Variants in IMMT observed in about 807,000 individuals in gnomAD.
IMMT encodes the protein inner membrane mitochondrial protein.
IMMT carries 40 observed loss-of-function variants against 92.7 expected under a neutral mutation model. The ratio of observed to expected loss-of-function variants is 0.43; its 90% CI spans 0.34 to 0.56. IMMT has a LOEUF of 0.56. Ranked by LOEUF, IMMT falls within the 20% of genes least tolerant of loss-of-function variation. IMMT has a pLI of 0.03. For missense variants in IMMT, 831 were observed against 912.1 expected (o/e 0.91, Z 1.14); for synonymous variants, 322 against 336.1 (o/e 0.96, Z 0.46).
At chr2:86,173,086 A>G (rs1324746350) in intron 4 of IMMT, among the ~76,000 whole-genome samples, 2 of 152,376 alleles carry the variant, frequency 1.3e-5, no homozygotes, top group Middle Eastern at 3.4e-3. Context: ...CTGCTGAATT[A>G]AAGAAAGTCA....
At chr2:86,159,909 A>C in intron 8 of IMMT, 1 of 318,050 alleles carries the variant, frequency 3.1e-6, no homozygotes, top group Non-Finnish European at 5.6e-6. Context: ...AAAAACTAAA[A>C]GAAAAGTCAA....
chr2:86,167,150 T>C (rs1453937039), intron 6 of IMMT, among the ~76,000 whole-genome samples: 2 of 147,830 alleles, frequency 1.4e-5, no homozygotes, highest in Non-Finnish European at 3.0e-5. Flanking sequence ...GGATGATAAA[T>C]CTATGAAGCT....
chr2:86,183,990 T>C (rs1299428044), intron 1 of IMMT, among the ~76,000 whole-genome samples: 1 of 152,198 alleles, frequency 6.6e-6, no homozygotes, highest in Non-Finnish European at 1.5e-5. Context: ...ATTTTGGGTC[T>C]ATTCTTAAAA....
intron 4 of IMMT, 37 bp downstream of exon 4, chr2:86,173,613 C>G (rs777363397): frequency 3.6e-6 from 4 of 1,116,574 alleles, no homozygotes; most frequent in Non-Finnish European, 5.4e-6. Flanking sequence ...AAGAGATTTA[C>G]CTATAATTTT....
chr2:86,174,574 C>T (rs925524342), intron 3 of IMMT, among the ~76,000 whole-genome samples: 15 of 152,230 alleles, frequency 9.9e-5, no homozygotes, highest in African/African-American at 3.6e-4. Flanking sequence ...TGCCTCTTCA[C>T]TGCTCCTTTC....
intron 9 of IMMT, chr2:86,159,280 T>C: frequency 2.1e-6 from 1 of 480,728 alleles, no homozygotes; most frequent in Non-Finnish European, 3.8e-6. Flanking sequence ...AAACAGAGTT[T>C]CACCATGTTG....
rs777412862 is a variant in IMMT at position 86,181,370 on chromosome 2, A to G, written c.48T>C (p.Ser16=). 3 of 1,612,868 alleles carry G rather than the reference A, an allele frequency of 1.9e-6. No individual in the cohort carries two copies. Among genetic ancestry groups the G allele is most frequent in the South Asian group, 2.2e-5 (2 of 91,002 alleles). The change falls in exon 2 of 15, where the codon AGT becomes AGC. Residue 16 remains serine (S), a splice_region_variant and synonymous_variant. Coordinates refer to ENST00000410111, the MANE Select transcript of IMMT (RefSeq NM_006839.3). ...GGAGGACAAACTTCCCACAGAGACA[A>G]CTCTAAAGAAGGAAAACACATCACA... ...QLSGVTAAAQ[S]CLCGKFVLRP... is the part of the protein sequence containing the mutation.
At chr2:86,160,171 T>C (rs1349043915) in intron 8 of IMMT, 3 of 152,534 alleles carry the variant, frequency 2.0e-5, no homozygotes, top group African/African-American at 7.2e-5. Context: ...AGAGGTAGCA[T>C]GGTATATGGA....
At chr2:86,184,697 A>G (rs1360164348) in intron 1 of IMMT, among the ~76,000 whole-genome samples, 1 of 151,892 alleles carries the variant, frequency 6.6e-6, no homozygotes, top group East Asian at 1.9e-4. Context: ...GCAGAAGCCT[A>G]ATGGCCTTCC....
chr2:86,172,815 C>G (rs1435263974), intron 4 of IMMT, among the ~76,000 whole-genome samples: 1 of 152,158 alleles, frequency 6.6e-6, no homozygotes, highest in East Asian at 1.9e-4. Flanking sequence ...TCCCCACCAC[C>G]CTTTTACATG....
chr2:86,159,935 TG>T, intron 8 of IMMT: 1 of 267,674 alleles, frequency 3.7e-6, no homozygotes, highest in Non-Finnish European at 6.8e-6. Flanking sequence ...GAAATGTAAT[TG>T]CTTTTTTTTT....
chr2:86,146,155 G>A lies in IMMT; in HGVS notation c.1576C>T (p.Arg526Cys), dbSNP rs560315070. Residue 526 changes from arginine (R) to cysteine (C), a missense_variant, in exon 14 of 15, where the codon CGT becomes TGT. By Grantham distance (180) the Arg-to-Cys change is radical. Coordinates refer to ENST00000410111, the MANE Select transcript of IMMT (RefSeq NM_006839.3). Reference sequence around the variant, plus strand: ...TTGTCAACTTGCTCTTGACTGAGACGACGAAATTGTAATTCTTGTTCAGAG... The same window carrying A: ...TTGTCAACTTGCTCTTGACTGAGACAACGAAATTGTAATTCTTGTTCAGAG... ...KLSEQELQFR[R>C]LSQEQVDNFT... 107 of 1,609,838 alleles carry A rather than the reference G, an allele frequency of 6.6e-5. 1 individual carries two copies. In the South Asian group the frequency reaches 9.7e-4, roughly 15 times the overall value.
intron 1 of IMMT, among the ~76,000 whole-genome samples, chr2:86,186,656 A>G (rs1220583673): frequency 6.6e-6 from 1 of 152,186 alleles, no homozygotes; most frequent in Non-Finnish European, 1.5e-5. Context: ...TGCAGCCAGT[A>G]TTTACTGCCA....
intron 12 of IMMT, among the ~76,000 whole-genome samples, chr2:86,149,747 A>G (rs1014510432): frequency 6.6e-6 from 1 of 152,112 alleles, no homozygotes; most frequent in Non-Finnish European, 1.5e-5. Flanking sequence ...ATGTGGTGGC[A>G]TGCACCTGTA....
chr2:86,181,680 A>G (rs73946337), intron 1 of IMMT, among the ~76,000 whole-genome samples: 1,839 of 152,120 alleles, frequency 0.012, 45 homozygotes, highest in African/African-American at 0.041. Flanking sequence ...GGTATTTGCT[A>G]TATGTTTTCT....
intron 13 of IMMT, 107 bp downstream of exon 13, chr2:86,147,595 A>C: frequency 3.7e-6 from 4 of 1,085,270 alleles, no homozygotes; most frequent in African/African-American, 1.6e-5. Flanking sequence ...TAGACATACA[A>C]GGAGATTTCC....
intron 1 of IMMT, among the ~76,000 whole-genome samples, chr2:86,183,387 C>A (rs1672555184): frequency 6.6e-6 from 1 of 152,152 alleles, no homozygotes; most frequent in Admixed American, 6.5e-5. Context: ...AACCTATTCT[C>A]CTGCCACGGC....
chr2:86,146,264 C>A, intron 13 of IMMT, 67 bp from the exon 14 acceptor site: 1 of 1,371,590 alleles, frequency 7.3e-7, no homozygotes, highest in Non-Finnish European at 1.0e-6. Flanking sequence ...ACTGTGTAAT[C>A]TTCCAGCAAC....
intron 3 of IMMT, among the ~76,000 whole-genome samples, chr2:86,175,189 C>G (rs564427003): frequency 1.3e-5 from 2 of 152,166 alleles, no homozygotes; most frequent in South Asian, 4.2e-4. Flanking sequence ...AAAAGCACCC[C>G]TCCTCATCCC....
Sources: gnomAD v4.1 joint callset for allele counts (sites outside exome capture counted in the v4.1 genomes callset) on GRCh38, gnomAD v4.1.1 for gene constraint, MANE v1.5 for transcripts, NCBI Gene and HGNC (gene_info 2026-07-23, HGNC 2026-07-21) for gene names.